The following CSMD2 variants were observed in gnomAD, a reference collection of about 807,000 sequenced individuals.
CSMD2 encodes CUB and Sushi multiple domains 2.
A neutral mutation model predicts 398.5 loss-of-function variants in CSMD2; 130 were observed. The observed-to-expected ratio is 0.33, with a 90% CI of 0.28 to 0.38. The LOEUF (loss-of-function observed/expected upper bound fraction) is 0.38, where lower values mean the gene tolerates loss of function less well. Ranked by LOEUF, CSMD2 falls within the 10% of genes least tolerant of loss-of-function variation. The probability of loss-of-function intolerance (pLI) is 1.00; values close to 1 mark genes in which losing one functional copy is unlikely to be tolerated. For missense variants in CSMD2, 3,829 were observed against 4,764.9 expected (o/e 0.80, Z 5.78); for synonymous variants, 1,828 against 1,908.5 (o/e 0.96, Z 1.10).
intron 9 of CSMD2, among the ~76,000 whole-genome samples, chr1:33,815,968 A>G (rs1323972737): frequency 6.6e-6 from 1 of 152,170 alleles, no homozygotes; most frequent in Non-Finnish European, 1.5e-5. Context: ...TAAAACCAGA[A>G]AGCTGATCTA....
At chr1:33,690,072 C>T (rs1316114118) in intron 25 of CSMD2, among the ~76,000 whole-genome samples, 1 of 152,128 alleles carries the variant, frequency 6.6e-6, no homozygotes, top group Non-Finnish European at 1.5e-5. Context: ...CTTACCGGCC[C>T]AGCCCGTCCC....
chr1:33,542,900 G>A lies in CSMD2; in HGVS notation c.9101-4C>T. ...CCAGGGTTCCCACAAGAGATCACTA[G>A]GAAGACAAAAATACACATTATTCAC... On this transcript the variant is annotated splice_region_variant and splice_polypyrimidine_tract_variant and intron_variant, in intron 57 of 70. Transcript: ENST00000373381. The A allele has an allele frequency of 1.2e-6, 2 of 1,613,470 alleles. No individual in the cohort carries two copies. Among genetic ancestry groups the A allele is most frequent in the South Asian group, 1.1e-5 (1 of 90,944 alleles).
chr1:33,858,628 G>A (rs565202041), intron 5 of CSMD2, among the ~76,000 whole-genome samples: 2 of 152,292 alleles, frequency 1.3e-5, no homozygotes, highest in Admixed American at 1.3e-4. Flanking sequence ...CCTGGCACGA[G>A]GTCAGTGCCA....
At chr1:33,813,421 G>A (rs1423205433) in intron 9 of CSMD2, among the ~76,000 whole-genome samples, 1 of 152,142 alleles carries the variant, frequency 6.6e-6, no homozygotes, top group African/African-American at 2.4e-5. Flanking sequence ...CAGATAGAAA[G>A]TTCATCACAG....
At chr1:34,008,923 A>G (rs936125362) in intron 3 of CSMD2, among the ~76,000 whole-genome samples, 2 of 152,106 alleles carry the variant, frequency 1.3e-5, no homozygotes, top group Non-Finnish European at 2.9e-5. Flanking sequence ...TTCTCACCTC[A>G]GCCTGTTATG....
At chr1:33,740,065 G>A (rs1482109772) in intron 14 of CSMD2, among the ~76,000 whole-genome samples, 1 of 152,060 alleles carries the variant, frequency 6.6e-6, no homozygotes, top group Non-Finnish European at 1.5e-5. Context: ...TCACTTGCAG[G>A]GTCATTCTGA....
chr1:33,876,208 C>G (rs1640828751), intron 5 of CSMD2, among the ~76,000 whole-genome samples: 1 of 152,162 alleles, frequency 6.6e-6, no homozygotes, highest in Admixed American at 6.5e-5. Flanking sequence ...AAGTGAGCAT[C>G]AAGAGACAAC....
intron 22 of CSMD2, among the ~76,000 whole-genome samples, chr1:33,707,687 GCGCGCGCGCACACACA>G (rs1035472937): frequency 4.7e-5 from 2 of 42,542 alleles, no homozygotes; most frequent in Non-Finnish European, 8.6e-5. Context: ...GTGCACACGC[GCGCGCGCGCACACACA>G]CACACACACA....
intron 39 of CSMD2, 129 bp from the exon 40 acceptor site, chr1:33,614,749 C>A: frequency 1.7e-6 from 1 of 592,998 alleles, no homozygotes; most frequent in South Asian, 2.2e-5. Context: ...CCTTGAGAAT[C>A]CAAAGGAATC....
chr1:33,930,552 G>A (rs1342542147), intron 4 of CSMD2, among the ~76,000 whole-genome samples: 1 of 152,156 alleles, frequency 6.6e-6, no homozygotes, highest in Non-Finnish European at 1.5e-5. Flanking sequence ...TTCTTGCTCT[G>A]GCCAGCTTTC....
rs748233816 is a variant in CSMD2 at position 33,616,920 on chromosome 1, G to A, written c.6002C>T (p.Pro2001Leu). 22 of 1,614,026 alleles carry A rather than the reference G, an allele frequency of 1.4e-5. No individual in the cohort carries two copies. The highest frequency in any genetic ancestry group is 1.8e-5 in the Non-Finnish European group (21 of 1,179,964). ...PGTVRRWNYP[P>L]PLCIAQCGGT... ...GGCTGTCTTACCAATACAGAGTGGA[G>A]GAGGGTAGTTCCATCGCCGCACTGT... Residue 2001 changes from proline (P) to leucine (L), a missense_variant, in exon 39 of 71, where the codon CCT (proline) becomes CTT (leucine). This residue lies in a region of CSMD2 where 2,001 missense variants were observed against 2,567.1 expected (regional missense o/e 0.78). Coordinates refer to ENST00000373381, the MANE Select transcript of CSMD2 (RefSeq NM_001281956.2).
chr1:33,583,664 A>G lies in CSMD2; in HGVS notation c.7218T>C (p.Tyr2406=), dbSNP rs1032434635. ...TVEYFLSEKQ[Y]DEFEIFDGPS... is the part of the protein sequence containing the mutation. ...TACCATCAAAAATCTCAAACTCATC[A>G]TATTGCTTCTCGCTGAGGAAGTACT... Residue 2406 remains tyrosine (Y), a synonymous_variant, in exon 47 of 71, where the codon TAT becomes TAC. Transcript: ENST00000373381. 2 of 1,613,954 alleles carry G rather than the reference A, an allele frequency of 1.2e-6. No homozygotes were observed. The highest frequency in any genetic ancestry group is 2.7e-5 in the African/African-American group (2 of 74,910).
At chr1:34,058,716 G>A (rs1045419214) in intron 2 of CSMD2, among the ~76,000 whole-genome samples, 6 of 152,160 alleles carry the variant, frequency 3.9e-5, no homozygotes, top group Admixed American at 6.5e-5. Flanking sequence ...GGTTGAAACC[G>A]CACACCTGGC....
intron 23 of CSMD2, among the ~76,000 whole-genome samples, chr1:33,700,029 T>C (rs1307134163): frequency 2.6e-5 from 4 of 152,106 alleles, no homozygotes; most frequent in African/African-American, 9.7e-5. Context: ...TTTCTTTTTT[T>C]AGACAGTCTT....
chr1:33,707,026 C>G (rs1311630166), intron 22 of CSMD2, among the ~76,000 whole-genome samples: 1 of 152,170 alleles, frequency 6.6e-6, no homozygotes, highest in African/African-American at 2.4e-5. Context: ...AAGACTCTCT[C>G]TGCTTATCTA....
intron 25 of CSMD2, among the ~76,000 whole-genome samples, chr1:33,686,902 G>A (rs1252750082): frequency 6.6e-6 from 1 of 152,184 alleles, no homozygotes; most frequent in African/African-American, 2.4e-5. Flanking sequence ...TACTCTGTTT[G>A]GGTAAAATGA....
At chr1:34,066,520 G>C (rs1178243613) in intron 2 of CSMD2, among the ~76,000 whole-genome samples, 1 of 152,194 alleles carries the variant, frequency 6.6e-6, no homozygotes, top group Non-Finnish European at 1.5e-5. Flanking sequence ...CCTAGTAGAG[G>C]GGGGATGCCA....
At chr1:33,610,954 C>T (rs1172331961) in intron 41 of CSMD2, 87 bp downstream of exon 41, 6 of 1,312,400 alleles carry the variant, frequency 4.6e-6, no homozygotes, top group African/African-American at 4.3e-5. Flanking sequence ...GTTCTGTTTT[C>T]CCCCACATGG....
intron 41 of CSMD2, chr1:33,606,115 G>C: frequency 7.2e-7 from 1 of 1,386,180 alleles, no homozygotes; most frequent in South Asian, 1.5e-5. Context: ...GACTCCACAG[G>C]AGATGCCTCC....
Sources: allele counts gnomAD v4.1 joint callset (sites outside exome capture counted in the v4.1 genomes callset), GRCh38; gene constraint gnomAD v4.1.1; regional missense constraint gnomAD v4.1.1; transcripts MANE v1.5; gene names NCBI Gene and HGNC (gene_info 2026-07-23, HGNC 2026-07-21).